KLF12: variants seen among roughly 807,000 people sequenced by gnomAD.
KLF12 encodes the protein Krueppel-like factor 12.
Under a neutral mutation model 37.8 loss-of-function variants are expected in KLF12, and 9 were observed. The observed-to-expected ratio is 0.24, with a 90% CI of 0.14 to 0.42. KLF12 has a LOEUF of 0.42. Ranked by LOEUF, KLF12 falls within the 10% of genes least tolerant of loss-of-function variation. KLF12 has a pLI of 1.00. For missense variants in KLF12, 411 were observed against 516.0 expected (o/e 0.80, Z 1.97); for synonymous variants, 208 against 202.1 (o/e 1.03, Z -0.25).
chr13:73,712,277 G>A (rs1186272495), intron 7 of KLF12, among the ~76,000 whole-genome samples: 1 of 146,514 alleles, frequency 6.8e-6, no homozygotes, highest in African/African-American at 2.6e-5. Context: ...GGCGGAGGCT[G>A]AGGTAAGCCG....
Position 73,883,419 on chromosome 13 carries a change from G to A in KLF12, c.124-37046C>T, listed in dbSNP as rs149238070. Among the ~76,000 whole-genome samples the A allele has an allele frequency of 7.3e-3, 1,115 of 152,194 alleles. 13 individuals are homozygous for A. Among genetic ancestry groups the A allele is most frequent in the African/African-American group, 0.025 (1,048 of 41,528 alleles). ...GTAACCTGCCTTACATAAACGACAC[G>A]ACATCCAATCAAGGTAGCACGTGGT... On this transcript the variant is annotated intron_variant, in intron 3 of 7. Coordinates refer to ENST00000377669, the MANE Select transcript of KLF12 (RefSeq NM_007249.5).
the KLF12 span, among the ~76,000 whole-genome samples, chr13:74,193,364 A>C: frequency 3.3e-5 from 5 of 152,188 alleles, no homozygotes; most frequent in Non-Finnish European, 7.4e-5. Flanking sequence ...CAACAGACAT[A>C]CCTATGAGGT....
At chr13:73,734,481 C>T (rs956519645) in intron 6 of KLF12, among the ~76,000 whole-genome samples, 2 of 152,064 alleles carry the variant, frequency 1.3e-5, no homozygotes, top group African/African-American at 2.4e-5. Flanking sequence ...GCAAGGTTAT[C>T]TGTTGATAGA....
chr13:74,220,307 A>G, the KLF12 span, among the ~76,000 whole-genome samples: 3 of 152,214 alleles, frequency 2.0e-5, no homozygotes, highest in Admixed American at 1.3e-4. Flanking sequence ...ATAAGGCACT[A>G]TCCTATTATC....
chr13:73,886,041 T>G (rs1004034548), intron 3 of KLF12, among the ~76,000 whole-genome samples: 2 of 152,038 alleles, frequency 1.3e-5, no homozygotes, highest in South Asian at 2.1e-4. Context: ...GATGGTGGTG[T>G]TGGTGGTGGT....
intron 3 of KLF12, among the ~76,000 whole-genome samples, chr13:73,860,166 G>C (rs1004928878): frequency 6.6e-6 from 1 of 152,134 alleles, no homozygotes; most frequent in Non-Finnish European, 1.5e-5. Flanking sequence ...TGTTGATCAT[G>C]CTTTTGCACA....
intron 4 of KLF12, among the ~76,000 whole-genome samples, chr13:73,814,800 G>A (rs978181379): frequency 6.6e-6 from 1 of 151,930 alleles, no homozygotes; most frequent in African/African-American, 2.4e-5. Flanking sequence ...GTGGGCAGAC[G>A]CTAAGGATAT....
intron 1 of KLF12, among the ~76,000 whole-genome samples, chr13:74,068,376 G>A (rs74095999): frequency 0.087 from 13,281 of 152,092 alleles, 825 homozygotes; most frequent in Admixed American, 0.15. Context: ...CTTCAAAAGT[G>A]TTTACTTCTC....
At chr13:73,734,956 G>A (rs1196869907) in intron 6 of KLF12, among the ~76,000 whole-genome samples, 3 of 151,850 alleles carry the variant, frequency 2.0e-5, no homozygotes, top group African/African-American at 4.8e-5. Flanking sequence ...TCAACAGTTT[G>A]GAGGCCACAG....
chr13:73,696,627 C>T (rs961530722), intron 7 of KLF12, among the ~76,000 whole-genome samples: 5 of 152,170 alleles, frequency 3.3e-5, no homozygotes, highest in Non-Finnish European at 5.9e-5. Flanking sequence ...TCCTTGGCCA[C>T]ATATGGCCTC....
intron 5 of KLF12, among the ~76,000 whole-genome samples, chr13:73,810,090 C>A (rs1427666025): frequency 6.6e-6 from 1 of 151,998 alleles, no homozygotes; most frequent in Non-Finnish European, 1.5e-5. Flanking sequence ...ACAAAAAATA[C>A]AAAAATTAGC....
rs1555336669 is a variant in KLF12 at position 74,060,500 on chromosome 13, G to GTGTGTGTGTGTC, written c.-31-65448_-31-65447insGACACACACACA. ...ACCTAGGTTTTGTGTGTGTGTGTGT[G>GTGTGTGTGTGTC]TGTGTGTGTGTGTGTGTGTGTGTGT... On this transcript the variant is annotated intron_variant, in intron 1 of 7. Transcript: ENST00000377669. Among the ~76,000 whole-genome samples, 106 of 149,188 alleles carry GTGTGTGTGTGTC rather than the reference G, an allele frequency of 7.1e-4. 1 individual carries two copies. The highest frequency in any genetic ancestry group is 3.4e-3 in the Middle Eastern group (1 of 292).
chr13:74,050,863 C>A (rs1040031529), intron 1 of KLF12, among the ~76,000 whole-genome samples: 1 of 151,966 alleles, frequency 6.6e-6, no homozygotes, highest in African/African-American at 2.4e-5. Context: ...AACTCAATAG[C>A]AAGAAAACAG....
intron 2 of KLF12, among the ~76,000 whole-genome samples, chr13:73,967,154 T>C (rs536535768): frequency 1.3e-5 from 2 of 152,294 alleles, no homozygotes; most frequent in South Asian, 4.1e-4. Flanking sequence ...GACTTGGGAA[T>C]CTGTTTTCCT....
intron 3 of KLF12, among the ~76,000 whole-genome samples, chr13:73,879,883 C>A (rs765294546): frequency 3.3e-5 from 5 of 152,220 alleles, no homozygotes; most frequent in Non-Finnish European, 7.3e-5. Flanking sequence ...ATGGTTCACA[C>A]AGCCTAAATA....
the KLF12 span, among the ~76,000 whole-genome samples, chr13:74,172,243 G>C: frequency 6.6e-6 from 1 of 151,112 alleles, no homozygotes; most frequent in Non-Finnish European, 1.5e-5. Flanking sequence ...ATATCAACAA[G>C]GTATTTTCTG....
At chr13:74,242,713 G>T in the KLF12 span, among the ~76,000 whole-genome samples, 1 of 152,088 alleles carries the variant, frequency 6.6e-6, no homozygotes, top group Non-Finnish European at 1.5e-5. Context: ...TAGGTGTAGG[G>T]CTTGAGCATC....
chr13:74,235,140 G>T, the KLF12 span, among the ~76,000 whole-genome samples: 1 of 152,106 alleles, frequency 6.6e-6, no homozygotes, highest in South Asian at 2.1e-4. Flanking sequence ...GAGGTTTGAG[G>T]GTCATAGATG....
chr13:74,193,136 G>T, the KLF12 span, among the ~76,000 whole-genome samples: 3 of 151,852 alleles, frequency 2.0e-5, no homozygotes, highest in Admixed American at 1.3e-4. Flanking sequence ...CTGCTACCAC[G>T]CCCAGCTAAT....
Sources: allele counts gnomAD v4.1 joint callset (sites outside exome capture counted in the v4.1 genomes callset), GRCh38; gene constraint gnomAD v4.1.1; transcripts MANE v1.5; gene names NCBI Gene and HGNC (gene_info 2026-07-23, HGNC 2026-07-21).